The following KIAA1217 variants were observed in gnomAD, a reference collection of about 807,000 sequenced individuals.
KIAA1217 encodes the protein KIAA1217.
In KIAA1217, 88 loss-of-function variants were observed where a neutral mutation model predicts 163.9. The observed-to-expected ratio is 0.54, with a 90% CI of 0.45 to 0.64. KIAA1217 has a LOEUF of 0.64. Among genes scored for constraint, KIAA1217 ranks in the 30% least tolerant of loss-of-function variants. The pLI, the probability that KIAA1217 is intolerant of heterozygous loss-of-function variation, is 0.00. For missense variants in KIAA1217, 2,372 were observed against 2,475.0 expected, an observed-to-expected ratio of 0.96 and a Z score of 0.88; for synonymous variants, 903 against 923.1, an observed-to-expected ratio of 0.98 and a Z score of 0.39.
intron 1 of KIAA1217, among the ~76,000 whole-genome samples, chr10:23,752,877 A>G (rs995157591): frequency 6.6e-6 from 1 of 152,180 alleles, no homozygotes; most frequent in African/African-American, 2.4e-5. Context: ...GCTAAGCTAC[A>G]CATACTACAA....
intron 1 of KIAA1217, among the ~76,000 whole-genome samples, chr10:23,725,565 T>C (rs567359502): frequency 2.4e-4 from 36 of 152,314 alleles, no homozygotes; most frequent in African/African-American, 8.7e-4. Flanking sequence ...GAATATGACA[T>C]AATTAAATAT....
Position 23,812,815 on chromosome 10 carries a change from A to G in KIAA1217, c.-321+117581A>G, listed in dbSNP as rs181097500. 5.3e-5 allele frequency among the ~76,000 whole-genome samples: 8 copies of G among 152,218 alleles called. No individual in the cohort carries two copies. The East Asian group carries it at 1.5e-3, about 29-fold the overall frequency. ...GTATGTGGTTTTTTGTGTGTGTGTGATTGGCTTATTTTACTTAGCATAACA... is the reference window on the plus strand; with the variant it reads ...GTATGTGGTTTTTTGTGTGTGTGTGGTTGGCTTATTTTACTTAGCATAACA... On this transcript the variant is annotated intron_variant, in intron 1 of 18. Transcript: ENST00000376462.
chr10:24,171,172 T>C (rs2065611731), intron 2 of KIAA1217, among the ~76,000 whole-genome samples: 1 of 152,236 alleles, frequency 6.6e-6, no homozygotes, highest in Admixed American at 6.5e-5. Context: ...TCCCAGAATG[T>C]GAGTGCTCCG....
intron 2 of KIAA1217, among the ~76,000 whole-genome samples, chr10:24,323,428 C>G (rs951879896): frequency 2.9e-4 from 44 of 152,308 alleles, no homozygotes; most frequent in African/African-American, 1.0e-3. Flanking sequence ...AGTAAGTCCT[C>G]CCATGCCATG....
intron 2 of KIAA1217, among the ~76,000 whole-genome samples, chr10:24,152,564 T>C (rs1035252500): frequency 6.6e-6 from 1 of 152,224 alleles, no homozygotes; most frequent in African/African-American, 2.4e-5. Context: ...GTGATGATGG[T>C]CTTCACAAAG....
At position 24,501,729 on chromosome 10, in the gene KIAA1217, CTTTTTTTTTTTTTTTTTTTTT is replaced by C. The variant is rs71397953; in HGVS notation, c.2001+201_2001+221del. 4.1e-4 allele frequency among the ~76,000 whole-genome samples: 21 copies of C among 51,472 alleles called. 1 individual carries two copies. Among genetic ancestry groups the C allele is most frequent in the Admixed American group, 2.8e-3 (10 of 3,578 alleles). The allele number at this position is 51,472 out of a possible 152,430, so 33.8% of individuals were successfully genotyped here. ...AACTATAGTCAATCTATAACCACTTCTTTTTTTTTTTTTTTTTTTTTTTTTTTTTTTTTTTTTGAGACGTAG... is the reference window on the plus strand; with the variant it reads ...AACTATAGTCAATCTATAACCACTTCTTTTTTTTTTTTTTTTGAGACGTAG... On this transcript the variant is annotated intron_variant, in intron 9 of 20. Coordinates refer to ENST00000376454, the MANE Select transcript of KIAA1217 (RefSeq NM_019590.5).
chr10:24,221,652 C>T (rs894576112), intron 2 of KIAA1217, among the ~76,000 whole-genome samples: 2 of 152,176 alleles, frequency 1.3e-5, no homozygotes, highest in African/African-American at 2.4e-5. Context: ...TTTTTGTTCA[C>T]ACTTCCAACA....
chr10:23,719,120 C>T (rs1030224588), intron 1 of KIAA1217, among the ~76,000 whole-genome samples: 1 of 152,118 alleles, frequency 6.6e-6, no homozygotes, highest in Non-Finnish European at 1.5e-5. Flanking sequence ...TTCATAGCAG[C>T]TCTATTGACA....
chr10:23,877,425 C>G (rs554078753), intron 1 of KIAA1217: 7 of 151,924 alleles, frequency 4.6e-5, no homozygotes, highest in Non-Finnish European at 8.8e-5. Flanking sequence ...CTTGGGCCCT[C>G]GGTTTAATGC....
chr10:23,976,760 G>C (rs1255069894), intron 1 of KIAA1217, among the ~76,000 whole-genome samples: 2 of 152,208 alleles, frequency 1.3e-5, no homozygotes, highest in Non-Finnish European at 1.5e-5. Context: ...AGGCAGGTGG[G>C]AGGAAAGGCA....
intron 2 of KIAA1217, among the ~76,000 whole-genome samples, chr10:24,229,614 T>A (rs1320113489): frequency 6.6e-6 from 1 of 151,954 alleles, no homozygotes; most frequent in Non-Finnish European, 1.5e-5. Context: ...GCCTCCCGGG[T>A]TCAAGCAAGT....
rs5783891 is a variant in KIAA1217, at chr10:24,370,264, C to CAAAAAAAAAAAA, written c.355-10595_355-10584dup. On this transcript the variant is annotated intron_variant, in intron 2 of 20. Transcript: ENST00000376454. ...TGGGCAACAGAGCGAGACTCTGTCT[C>CAAAAAAAAAAAA]AAAAAAAAAAAAAAAAAAAAAGACA... Among the ~76,000 whole-genome samples, 11 of 73,430 alleles carry CAAAAAAAAAAAA rather than the reference C, an allele frequency of 1.5e-4. No individual in the cohort carries two copies. In the East Asian group the frequency reaches 1.9e-3, roughly 13 times the overall value. The allele number at this position is 73,430 out of a possible 152,430, so 48.2% of individuals were successfully genotyped here. A position where few individuals can be genotyped will look rare whatever the true frequency, so the allele number is the denominator to read the frequency against.
intron 1 of KIAA1217, among the ~76,000 whole-genome samples, chr10:23,760,808 G>C (rs1588739950): frequency 6.6e-6 from 1 of 151,932 alleles, no homozygotes; most frequent in African/African-American, 2.4e-5. Context: ...AAAAGAACAA[G>C]TATCAGCATA....
intron 2 of KIAA1217, among the ~76,000 whole-genome samples, chr10:24,302,062 G>A (rs1178369598): frequency 6.6e-6 from 1 of 152,124 alleles, no homozygotes; most frequent in Non-Finnish European, 1.5e-5. Flanking sequence ...AGAAAAGACT[G>A]AGAGACAGCA....
intron 1 of KIAA1217, among the ~76,000 whole-genome samples, chr10:23,909,281 G>A (rs937079150): frequency 5.9e-5 from 9 of 151,876 alleles, no homozygotes; most frequent in Non-Finnish European, 1.2e-4. Flanking sequence ...GGGTACACCA[G>A]AATCTCACAA....
At chr10:23,716,105 A>G (rs1271875755) in intron 1 of KIAA1217, among the ~76,000 whole-genome samples, 1 of 152,208 alleles carries the variant, frequency 6.6e-6, no homozygotes, top group Non-Finnish European at 1.5e-5. Context: ...CGCTGCATGC[A>G]AGAGATTTAC....
At chr10:24,511,172 A>AAAAAAAAAAAAAAAAAAAAAAAAG (rs1554918365) in intron 9 of KIAA1217, among the ~76,000 whole-genome samples, 1 of 115,698 alleles carries the variant, frequency 8.6e-6, no homozygotes, top group African/African-American at 3.7e-5. Context: ...AAAAAAAAAA[A>AAAAAAAAAAAAAAAAAAAAAAAAG]AGGAGCCTGG....
intron 5 of KIAA1217, among the ~76,000 whole-genome samples, chr10:24,467,982 A>G (rs901166729): frequency 6.6e-6 from 1 of 152,206 alleles, no homozygotes; most frequent in Non-Finnish European, 1.5e-5. Flanking sequence ...CCAAAACAAA[A>G]TAAATCTGTG....
intron 1 of KIAA1217, among the ~76,000 whole-genome samples, chr10:23,869,559 G>A (rs1184668637): frequency 1.3e-5 from 2 of 151,782 alleles, no homozygotes; most frequent in Non-Finnish European, 2.9e-5. Context: ...TCGGTCGTGA[G>A]GTAGATAATT....
Sources: allele counts gnomAD v4.1 joint callset (sites outside exome capture counted in the v4.1 genomes callset), GRCh38; gene constraint gnomAD v4.1.1; transcripts MANE v1.5; gene names NCBI Gene and HGNC (gene_info 2026-07-23, HGNC 2026-07-21).